The following NXT2 variants were observed in gnomAD, a reference collection of about 807,000 sequenced individuals.
The protein encoded by NXT2 is NTF2-related export protein 2.
Under a neutral mutation model 9.6 loss-of-function variants are expected in NXT2, and 1 was observed. The ratio of observed to expected loss-of-function variants is 0.10; its 90% CI spans 0.04 to 0.49. NXT2 has a LOEUF of 0.49. NXT2 is among the 20% of genes least tolerant of loss of function. The probability of loss-of-function intolerance (pLI) is 0.95; values close to 1 mark genes in which losing one functional copy is unlikely to be tolerated. For synonymous variants in NXT2, 22 were observed against 35.4 expected (o/e 0.62, Z 1.34); for missense variants, 48 against 100.3 (o/e 0.48, Z 2.23).
intron 1 of NXT2, 33 bp from the exon 2 acceptor site, chrX:109,538,012 T>C: frequency 1.0e-6 from 1 of 963,756 alleles, no homozygotes; most frequent in Non-Finnish European, 1.5e-6. Context: ...TTGAAAAGGT[T>C]GGTAATCTAT....
At chrX:109,536,329 T>A (rs1933272908), upstream of NXT2, among the ~76,000 whole-genome samples, 1 of 112,779 alleles carries the variant, frequency 8.9e-6, no homozygotes, top group South Asian at 3.6e-4. Flanking sequence ...CACTGTAAAC[T>A]TAATTTTTGT....
upstream of NXT2, among the ~76,000 whole-genome samples, chrX:109,536,438 A>G (rs980209907): frequency 2.7e-5 from 3 of 112,832 alleles, no homozygotes; most frequent in African/African-American, 9.7e-5. Flanking sequence ...AATTTTAGGC[A>G]TACTGCCAAA....
intron 3 of NXT2, among the ~76,000 whole-genome samples, chrX:109,542,105 G>A (rs886312358): frequency 9.0e-6 from 1 of 111,447 alleles, no homozygotes; most frequent in African/African-American, 3.3e-5. Flanking sequence ...GGTCCTAAGT[G>A]TCTTAAATTG....
chrX:109,537,003 C>G lies in NXT2; in HGVS notation c.-4C>G. On this transcript the variant is annotated 5_prime_UTR_variant, in exon 1 of 4. Coordinates refer to ENST00000372106, the MANE Select transcript of NXT2 (RefSeq NM_001242617.2). The stretch of plus-strand genomic sequence containing the variant: ...TGCCAGAACACACTGCTACAAGGTC[C>G]CAGATGGCCACGTCTCTGGTGAGTG... The G allele has an allele frequency of 8.3e-7, 1 of 1,211,143 alleles. No homozygotes were observed. The highest frequency in any genetic ancestry group is 1.8e-5 in the South Asian group (1 of 56,767).
upstream of NXT2, chrX:109,535,968 G>C: frequency 8.4e-7 from 1 of 1,190,756 alleles, no homozygotes; most frequent in Non-Finnish European, 1.1e-6. Flanking sequence ...CCACACACCA[G>C]CCACTCAAGG....
intron 1 of NXT2, among the ~76,000 whole-genome samples, chrX:109,537,685 T>C (rs1479038139): frequency 9.0e-6 from 1 of 111,489 alleles, no homozygotes; most frequent in Non-Finnish European, 1.9e-5. Context: ...TGCCGCTCTC[T>C]CTCCTTTTCT....
chrX:109,539,028 C>G (rs1362600130), intron 2 of NXT2, among the ~76,000 whole-genome samples: 1 of 110,727 alleles, frequency 9.0e-6, no homozygotes, highest in Non-Finnish European at 1.9e-5. Flanking sequence ...CTCTAGCCCC[C>G]CACCCCCTGA....
Position 109,537,433 on chromosome X carries a change from C to T in NXT2, c.15+412C>T, listed in dbSNP as rs1377087567. 15 of 696,050 alleles carry T rather than the reference C, an allele frequency of 2.2e-5. No homozygotes were observed. In the South Asian group the frequency reaches 4.5e-4, roughly 21 times the overall value. The allele number at this position is 696,050 out of a possible 1,213,427, so 57.4% of individuals were successfully genotyped here. The stretch of plus-strand genomic sequence containing the variant: ...AGGAAGGTATTCCTTAATTCTCCGG[C>T]ACGAACGCCAACAGCGTTGCTTTCT... On this transcript the variant is annotated intron_variant, in intron 1 of 3. Coordinates refer to ENST00000372106, the MANE Select transcript of NXT2 (RefSeq NM_001242617.2).
At chrX:109,537,814 A>G (rs1012261789) in intron 1 of NXT2, among the ~76,000 whole-genome samples, 3 of 112,239 alleles carry the variant, frequency 2.7e-5, no homozygotes, top group African/African-American at 9.7e-5. Flanking sequence ...AAAGACTCAG[A>G]TTCATTGAGA....
chrX:109,542,130 T>G (rs1180938297), intron 3 of NXT2, among the ~76,000 whole-genome samples: 4 of 111,377 alleles, frequency 3.6e-5, no homozygotes, highest in African/African-American at 1.3e-4. Context: ...TCAGGGTGAT[T>G]TTTTTCCTTT....
At chrX:109,537,102 C>G (rs1933294481) in intron 1 of NXT2, 81 bp downstream of exon 1, 1 of 1,143,632 alleles carries the variant, frequency 8.7e-7, no homozygotes, top group Middle Eastern at 3.1e-4. Context: ...GGTCTGGCTG[C>G]TGCTCACGTG....
upstream of NXT2, among the ~76,000 whole-genome samples, chrX:109,536,283 T>C (rs895521044): frequency 8.9e-5 from 10 of 112,790 alleles, no homozygotes; most frequent in Non-Finnish European, 1.1e-4. Context: ...TTAGAATACC[T>C]TGCAGAATAA....
At position 109,536,963 on chromosome X, in the gene NXT2, T is replaced by C. The variant is rs759340088; in HGVS notation, c.-44T>C. On this transcript the variant is annotated 5_prime_UTR_variant, in exon 1 of 4. Coordinates refer to ENST00000372106, the MANE Select transcript of NXT2 (RefSeq NM_001242617.2). ...CCTGCGGACCGGACACGTGAGGAGG[T>C]AGTGACGCCGACACTGCCAGAACAC... is the stretch of plus-strand genomic sequence containing the variant. 2.7e-5 allele frequency: 33 copies of C among 1,210,725 alleles called. No homozygotes were observed. Among genetic ancestry groups the C allele is most frequent in the Admixed American group, 1.7e-4 (8 of 45,998 alleles).
upstream of NXT2, chrX:109,536,808 A>T (rs1276098180): frequency 3.7e-6 from 4 of 1,082,579 alleles, no homozygotes; most frequent in Non-Finnish European, 4.8e-6. Context: ...AGGGAAGTGG[A>T]ACTTAAGGTT....
At position 109,536,870 on chromosome X, in the gene NXT2, G is replaced by C; in HGVS notation, c.-137G>C. ...GACCGAGCTACTTCCGGGAGAGAAT[G>C]GGAGGGTGGAAAATTTTGTGCGTTT... On this transcript the variant is annotated 5_prime_UTR_variant, in exon 1 of 4. The change abolishes an upstream ATG in the 5' untranslated region. Transcript: ENST00000372106. 3.4e-6 allele frequency: 4 copies of C among 1,174,073 alleles called. No individual in the cohort carries two copies. Among genetic ancestry groups the C allele is most frequent in the Non-Finnish European group, 3.4e-6 (3 of 873,737 alleles).
At chrX:109,537,336 T>G (rs956338002) in intron 1 of NXT2, 1 of 874,828 alleles carries the variant, frequency 1.1e-6, no homozygotes, top group East Asian at 6.5e-5. Context: ...TCACTTTCAG[T>G]CACCTGACAA....
rs750540408 is a variant in NXT2, at chrX:109,538,199, G to C, written c.102+68G>C. ...TTTATTAAATACCAGGTTGTGTCTG[G>C]AGCCAGCGTTTCATCTGACTTGCAT... On this transcript the variant is annotated intron_variant, in intron 2 of 3. Coordinates refer to ENST00000372106, the MANE Select transcript of NXT2 (RefSeq NM_001242617.2). 7 of 704,951 alleles carry C rather than the reference G, an allele frequency of 9.9e-6. No homozygotes were observed. The East Asian group carries it at 2.3e-4, about 24-fold the overall frequency. 58.1% of individuals were successfully genotyped at this position (704,951 alleles called of 1,213,427 possible). A position where few individuals can be genotyped will look rare whatever the true frequency, so the allele number is the denominator to read the frequency against.
chrX:109,537,176 G>A, intron 1 of NXT2, 155 bp downstream of exon 1: 1 of 1,054,179 alleles, frequency 9.5e-7, no homozygotes, highest in Non-Finnish European at 1.2e-6. Context: ...TTTGCTGCCC[G>A]CCCTGCCGGC....
intron 2 of NXT2, 37 bp downstream of exon 2, chrX:109,538,168 C>T (rs367724360): frequency 9.6e-6 from 8 of 835,806 alleles, no homozygotes; most frequent in African/African-American, 6.1e-5. Context: ...TTATAGACTA[C>T]TACTCTTTAT....
Sources: gnomAD v4.1 joint callset for allele counts (sites outside exome capture counted in the v4.1 genomes callset) on GRCh38, gnomAD v4.1.1 for gene constraint, MANE v1.5 for transcripts, NCBI Gene and HGNC (gene_info 2026-07-23, HGNC 2026-07-21) for gene names.